The following ALS2 variants were observed in gnomAD, a reference collection of about 807,000 sequenced individuals.
ALS2 encodes alsin.
In ALS2, 117 loss-of-function variants were observed where a neutral mutation model predicts 203.4. The ratio of observed to expected loss-of-function variants is 0.58; its 90% CI spans 0.50 to 0.67. The LOEUF is 0.67. ALS2 is among the 30% of genes least tolerant of loss of function. ALS2 has a pLI of 0.00. For synonymous variants in ALS2, 718 were observed against 725.9 expected (o/e 0.99, Z 0.17); for missense variants, 1,715 against 1,989.4 (o/e 0.86, Z 2.62).
At chr2:201,724,618 G>GA (rs1156840987) in intron 20 of ALS2, among the ~76,000 whole-genome samples, 159 bp from the exon 21 acceptor site, 20 of 151,884 alleles carry the variant, frequency 1.3e-4, no homozygotes, top group Non-Finnish European at 2.6e-4. Context: ...CCTCATTTTC[G>GA]AATGATTAAA....
In ALS2 at chr2:201,729,316, A is replaced by G. The variant is rs13029960; in HGVS notation, c.2581-133T>C. Reference sequence around the variant, plus strand: ...AATTCAGCCCACGAGCATAAGTAGCACACTGCAGGAGACTGGGAAAAGGAG... The same window carrying G: ...AATTCAGCCCACGAGCATAAGTAGCGCACTGCAGGAGACTGGGAAAAGGAG... On this transcript the variant is annotated intron_variant, in intron 13 of 33. Transcript: ENST00000264276. 555,538 of 962,066 alleles carry G rather than the reference A, an allele frequency of 0.58. 165,281 individuals carry two copies. Among genetic ancestry groups the G allele is most frequent in the Admixed American group, 0.65 (27,484 of 42,420 alleles). The allele number at this position is 962,066 out of a possible 1,614,324, so 59.6% of individuals were successfully genotyped here. A position where few individuals can be genotyped will look rare whatever the true frequency, so the allele number is the denominator to read the frequency against.
chr2:201,705,917 C>G (rs1012213057), intron 29 of ALS2, among the ~76,000 whole-genome samples: 3 of 149,836 alleles, frequency 2.0e-5, no homozygotes, highest in Non-Finnish European at 4.4e-5. Flanking sequence ...CCACTGCACT[C>G]CAGCCAGGGC....
chr2:201,731,293 T>C (rs1026849440), intron 13 of ALS2, among the ~76,000 whole-genome samples: 2 of 152,050 alleles, frequency 1.3e-5, no homozygotes, highest in African/African-American at 4.8e-5. Flanking sequence ...AGATAAAAAA[T>C]GTACCAGAAT....
At chr2:201,718,044 A>G in intron 24 of ALS2, 33 bp downstream of exon 24, 1 of 1,608,146 alleles carries the variant, frequency 6.2e-7, no homozygotes, top group Admixed American at 1.7e-5. Flanking sequence ...CAAACATTCA[A>G]TAATTAATCC....
chr2:201,760,590 T>C (rs1017429954), intron 4 of ALS2: 9 of 1,201,936 alleles, frequency 7.5e-6, no homozygotes, highest in South Asian at 2.8e-5. Flanking sequence ...TTCAGTACTT[T>C]AGCCATAGAA....
chr2:201,750,419 C>T (rs1240984971), intron 7 of ALS2, among the ~76,000 whole-genome samples: 3 of 152,108 alleles, frequency 2.0e-5, no homozygotes, highest in Admixed American at 6.6e-5. Context: ...CAGGAATTAT[C>T]GTATACTGCC....
chr2:201,749,327 A>T (rs575230672), intron 8 of ALS2, among the ~76,000 whole-genome samples: 1 of 152,356 alleles, frequency 6.6e-6, no homozygotes, highest in Non-Finnish European at 1.5e-5. Flanking sequence ...TGCACACACA[A>T]AATTACACCA....
rs1326088814 is a variant in ALS2 at position 201,727,365 on chromosome 2, A to G, written c.2913-87T>C. ...CTCAAATATGAAAAGCAACCTCTTT[A>G]TTTCAAGAGGAACAGAAATCAATTA... is the stretch of plus-strand genomic sequence containing the variant. On this transcript the variant is annotated intron_variant, in intron 16 of 33. Coordinates refer to ENST00000264276, the MANE Select transcript of ALS2 (RefSeq NM_020919.4). The G allele has an allele frequency of 2.6e-6, 3 of 1,133,454 alleles. No homozygotes were observed. In the African/African-American group the frequency reaches 4.6e-5, roughly 17 times the overall value. The allele number at this position is 1,133,454 out of a possible 1,614,324, so 70.2% of individuals were successfully genotyped here. A position where few individuals can be genotyped will look rare whatever the true frequency, so the allele number is the denominator to read the frequency against.
At chr2:201,720,091 G>A (rs1328981957) in intron 23 of ALS2, 1 of 404,490 alleles carries the variant, frequency 2.5e-6, no homozygotes, top group Non-Finnish European at 4.8e-6. Context: ...GGGGAGGAGG[G>A]AACACTTCCC....
intron 1 of ALS2, among the ~76,000 whole-genome samples, chr2:201,771,342 C>A (rs534314666): frequency 6.6e-5 from 10 of 152,252 alleles, no homozygotes; most frequent in African/African-American, 2.4e-4. Flanking sequence ...CCACCTTGAG[C>A]CACCGCGCCC....
chr2:201,733,213 C>A, intron 13 of ALS2, 63 bp downstream of exon 13: 2 of 1,537,442 alleles, frequency 1.3e-6, no homozygotes, highest in South Asian at 2.3e-5. Context: ...GTGGCATAAT[C>A]CATACAAACA....
rs774444096 is a variant in ALS2 at position 201,701,841 on chromosome 2, G to T, written c.*10C>A. 1 of 1,613,376 alleles carries T rather than the reference G, an allele frequency of 6.2e-7. No homozygotes were observed. Among genetic ancestry groups the T allele is most frequent in the Non-Finnish European group, 8.5e-7 (1 of 1,179,524 alleles). On this transcript the variant is annotated 3_prime_UTR_variant, in exon 34 of 34. Coordinates refer to ENST00000264276, the MANE Select transcript of ALS2 (RefSeq NM_020919.4). Reference sequence around the variant, plus strand: ...TAGTAGATAATCCAGTTTTCAAGCTGTTATGCAGCCTAGTTAAGCTTCTCA... The same window carrying T: ...TAGTAGATAATCCAGTTTTCAAGCTTTTATGCAGCCTAGTTAAGCTTCTCA...
At chr2:201,711,782 T>C (rs1423269015) in intron 25 of ALS2, among the ~76,000 whole-genome samples, 1 of 152,198 alleles carries the variant, frequency 6.6e-6, no homozygotes, top group Non-Finnish European at 1.5e-5. Flanking sequence ...ATTAGAGATT[T>C]TAGATAAACA....
chr2:201,749,478 A>C (rs1288849926), intron 8 of ALS2, among the ~76,000 whole-genome samples: 1 of 152,208 alleles, frequency 6.6e-6, no homozygotes, highest in Non-Finnish European at 1.5e-5. Context: ...AAAAACAAAG[A>C]AACTATGCAT....
At chr2:201,724,179 C>CA in intron 21 of ALS2, 116 bp downstream of exon 21, 3 of 1,129,182 alleles carry the variant, frequency 2.7e-6, no homozygotes, top group South Asian at 2.6e-5. Flanking sequence ...TACTCAAACT[C>CA]AAAGAAATCT....
intron 10 of ALS2, among the ~76,000 whole-genome samples, chr2:201,742,066 C>G (rs1043924656): frequency 1.3e-5 from 2 of 152,108 alleles, no homozygotes; most frequent in Non-Finnish European, 2.9e-5. Flanking sequence ...TTCACAGGAA[C>G]CTTATAGATT....
chr2:201,717,986 AC>A (rs2105986953), intron 24 of ALS2, 90 bp downstream of exon 24: 1 of 1,320,820 alleles, frequency 7.6e-7, no homozygotes, highest in East Asian at 2.4e-5. Context: ...TAAGAACTTG[AC>A]TTTGCTTTTA....
At chr2:201,773,262 C>G (rs572057500) in intron 1 of ALS2, among the ~76,000 whole-genome samples, 1 of 152,270 alleles carries the variant, frequency 6.6e-6, no homozygotes, top group South Asian at 2.1e-4. Flanking sequence ...CAAGGAATAT[C>G]CTGCCTGCAA....
intron 15 of ALS2, among the ~76,000 whole-genome samples, chr2:201,728,195 A>G (rs1192829521): frequency 6.6e-6 from 1 of 152,128 alleles, no homozygotes; most frequent in Non-Finnish European, 1.5e-5. Flanking sequence ...TGCTGCACCC[A>G]TTAACTCGTC....
Sources: gnomAD v4.1 joint callset for allele counts (sites outside exome capture counted in the v4.1 genomes callset) on GRCh38, gnomAD v4.1.1 for gene constraint, MANE v1.5 for transcripts, NCBI Gene and HGNC (gene_info 2026-07-23, HGNC 2026-07-21) for gene names.